The following B4GALT6 variants were observed in gnomAD, a reference collection of about 807,000 sequenced individuals.
B4GALT6 encodes UDP-Gal:beta-GlcNAc beta-1,4-galactosyltransferase 6.
B4GALT6 carries 14 observed loss-of-function variants against 46.3 expected under a neutral mutation model. That is an observed-to-expected ratio of 0.30 (90% CI 0.20 to 0.47). The LOEUF is 0.47. B4GALT6 is among the 20% of genes least tolerant of loss of function. The probability of loss-of-function intolerance (pLI) is 0.99; values close to 1 mark genes in which losing one functional copy is unlikely to be tolerated. For synonymous variants in B4GALT6, 168 were observed against 162.0 expected (o/e 1.04, Z -0.28); for missense variants, 386 against 480.1 (o/e 0.80, Z 1.83).
the B4GALT6 span, among the ~76,000 whole-genome samples, chr18:31,719,849 C>G: frequency 6.6e-6 from 1 of 152,152 alleles, no homozygotes; most frequent in Admixed American, 6.5e-5. Context: ...GTGGTGTCAG[C>G]TGATCCATCA....
chr18:31,641,605 A>G (rs904481196), intron 4 of B4GALT6, among the ~76,000 whole-genome samples: 4 of 152,180 alleles, frequency 2.6e-5, no homozygotes, highest in African/African-American at 9.7e-5. Flanking sequence ...ACATTCTTCT[A>G]TGTGCCCTAA....
chr18:31,653,731 C>G (rs1261539370), intron 3 of B4GALT6, among the ~76,000 whole-genome samples: 3 of 152,100 alleles, frequency 2.0e-5, no homozygotes, highest in Non-Finnish European at 2.9e-5. Context: ...CAGGCATGAG[C>G]CACCACGCCC....
At chr18:31,717,491 C>T in the B4GALT6 span, among the ~76,000 whole-genome samples, 1 of 151,688 alleles carries the variant, frequency 6.6e-6, no homozygotes, top group Non-Finnish European at 1.5e-5. Flanking sequence ...AAAACATATA[C>T]CTCAATAAAG....
At position 31,658,081 on chromosome 18, in the gene B4GALT6, C is replaced by T. The variant is rs756803714; in HGVS notation, c.241G>A (p.Glu81Lys). ...NSTLNGTDYP[E>K]GNNSSDYLVQ... ...AGATAATCACTTGAATTATTGCCTT[C>T]GGGATAATCTTGGAAAGAGAGAAAA... Residue 81 changes from glutamate to lysine, a missense_variant, in exon 3 of 9, where the codon GAA becomes AAA. Around this residue, in one of 2 missense-constraint regions of B4GALT6, gnomAD observed 323 missense variants for 438.9 expected, o/e 0.74. Transcript: ENST00000306851. 2.3e-5 allele frequency: 36 copies of T among 1,592,308 alleles called. No homozygotes were observed. Among genetic ancestry groups the T allele is most frequent in the African/African-American group, 5.6e-5 (4 of 71,264 alleles).
At chr18:31,711,275 T>C in the B4GALT6 span, among the ~76,000 whole-genome samples, 2 of 152,230 alleles carry the variant, frequency 1.3e-5, no homozygotes, top group Admixed American at 1.3e-4. Context: ...ATTTTTATTT[T>C]AGGTTCAGGG....
At chr18:31,701,321 A>C in the B4GALT6 span, among the ~76,000 whole-genome samples, 4 of 152,172 alleles carry the variant, frequency 2.6e-5, no homozygotes, top group Non-Finnish European at 5.9e-5. Context: ...CATGTAAGAC[A>C]TTCCTGCTTC....
the B4GALT6 span, among the ~76,000 whole-genome samples, chr18:31,702,392 A>G: frequency 6.6e-6 from 1 of 152,232 alleles, no homozygotes; most frequent in Non-Finnish European, 1.5e-5. Context: ...TGCCACCAAT[A>G]AGGGACAGAA....
chr18:31,679,025 T>G (rs748403118), intron 1 of B4GALT6, among the ~76,000 whole-genome samples: 7 of 152,200 alleles, frequency 4.6e-5, no homozygotes, highest in African/African-American at 7.2e-5. Flanking sequence ...CCCAACCAAA[T>G]TACACGTAGT....
Position 31,638,713 on chromosome 18 carries a change from A to G in B4GALT6, c.519T>C (p.Ile173=). ...PFRNRHEHLP[I]FFLHLIPMLQ... is the part of the protein sequence containing the mutation. ...GCATTGGAATCAGATGTAAGAAAAA[A>G]ATTGGAAGATGTTCATGGCGATTAC... The change falls in exon 5 of 9, where the codon ATT becomes ATC. Residue 173 remains isoleucine (I), a synonymous_variant. Coordinates refer to ENST00000306851, the MANE Select transcript of B4GALT6 (RefSeq NM_004775.5). 1 of 1,614,152 alleles carries G rather than the reference A, an allele frequency of 6.2e-7. No individual in the cohort carries two copies. Among genetic ancestry groups the G allele is most frequent in the South Asian group, 1.1e-5 (1 of 91,070 alleles).
intron 1 of B4GALT6, among the ~76,000 whole-genome samples, chr18:31,672,606 T>C (rs2074369032): frequency 6.6e-6 from 1 of 152,080 alleles, no homozygotes; most frequent in African/African-American, 2.4e-5. Flanking sequence ...GAGAAGGACT[T>C]AAAAACAACA....
chr18:31,630,939 G>T lies in B4GALT6; in HGVS notation c.776+20C>A, dbSNP rs1472478479. ...GTGCAATTATATCGTACAATATCAGGAATAGTGCACACTACTTACATATAC... is the reference window on the plus strand; with the variant it reads ...GTGCAATTATATCGTACAATATCAGTAATAGTGCACACTACTTACATATAC... On this transcript the variant is annotated intron_variant, in intron 6 of 8. Coordinates refer to ENST00000306851, the MANE Select transcript of B4GALT6 (RefSeq NM_004775.5). 1 of 1,611,424 alleles carries T rather than the reference G, an allele frequency of 6.2e-7. No homozygotes were observed.
chr18:31,685,477 G>T (rs2074537130), upstream of B4GALT6, among the ~76,000 whole-genome samples: 2 of 151,346 alleles, frequency 1.3e-5, no homozygotes, highest in Admixed American at 6.6e-5. Flanking sequence ...TCGGCAGGCG[G>T]CGCTGCGCCG....
chr18:31,699,553 C>G, the B4GALT6 span, among the ~76,000 whole-genome samples: 1 of 148,558 alleles, frequency 6.7e-6, no homozygotes, highest in Non-Finnish European at 1.5e-5. Flanking sequence ...GGATTACAGG[C>G]GTGAGCCACC....
chr18:31,638,718 G>A lies in B4GALT6; in HGVS notation c.514C>T (p.Pro172Ser). The A allele has an allele frequency of 1.2e-6, 2 of 1,614,096 alleles. No homozygotes were observed. The highest frequency in any genetic ancestry group is 8.5e-7 in the Non-Finnish European group (1 of 1,180,010). The change falls in exon 5 of 9, where the codon CCA becomes TCA. Residue 172 changes from proline to serine, a missense_variant. Pro to Ser is a moderately conservative substitution (Grantham distance 74, BLOSUM62 -1). This residue lies in a region of B4GALT6 where 323 missense variants were observed against 438.9 expected (regional missense o/e 0.74). Transcript: ENST00000306851. ...GGAATCAGATGTAAGAAAAAAATTG[G>A]AAGATGTTCATGGCGATTACGGAAA... ...IPFRNRHEHL[P>S]IFFLHLIPML...
chr18:31,636,745 T>C (rs1257362508), intron 5 of B4GALT6, among the ~76,000 whole-genome samples: 3 of 152,246 alleles, frequency 2.0e-5, no homozygotes, highest in Admixed American at 6.5e-5. Context: ...AGATCTTTTT[T>C]AGGTTTCCAA....
At chr18:31,642,620 C>T (rs1315576816) in intron 4 of B4GALT6, among the ~76,000 whole-genome samples, 1 of 152,204 alleles carries the variant, frequency 6.6e-6, no homozygotes, top group African/African-American at 2.4e-5. Context: ...CAAGCTTGCC[C>T]CAGAAGGTGT....
the B4GALT6 span, chr18:31,724,459 C>A: frequency 9.8e-7 from 1 of 1,022,354 alleles, no homozygotes; most frequent in East Asian, 1.0e-4. Flanking sequence ...AGCTAACTCC[C>A]CACCCCCGGG....
intron 4 of B4GALT6, among the ~76,000 whole-genome samples, chr18:31,641,919 C>T (rs912015253): frequency 1.3e-5 from 2 of 152,220 alleles, no homozygotes; most frequent in African/African-American, 4.8e-5. Context: ...TTTCAGCACA[C>T]CACCAGCTAC....
At chr18:31,685,033 G>C (rs2144766188), upstream of B4GALT6, among the ~76,000 whole-genome samples, 1 of 146,216 alleles carries the variant, frequency 6.8e-6, no homozygotes, top group South Asian at 2.1e-4. Context: ...GGGGCCCGCG[G>C]GGGCCCTCGG....
Sources: allele counts gnomAD v4.1 joint callset (sites outside exome capture counted in the v4.1 genomes callset), GRCh38; gene constraint gnomAD v4.1.1; regional missense constraint gnomAD v4.1.1; transcripts MANE v1.5; gene names NCBI Gene and HGNC (gene_info 2026-07-23, HGNC 2026-07-21).